The following MREG variants were observed in gnomAD, a reference collection of about 807,000 sequenced individuals.
MREG encodes the protein melanoregulin, also known as dilute suppressor protein homolog.
A neutral mutation model predicts 28.5 loss-of-function variants in MREG; 31 were observed. The observed-to-expected ratio is 1.09, with a 90% CI of 0.82 to 1.47. The LOEUF is 1.47. MREG is among the 40% of genes most tolerant of loss of function. The pLI is 0.00. For missense variants in MREG, 256 were observed against 257.4 expected (o/e 0.99, Z 0.04); for synonymous variants, 106 against 95.2 (o/e 1.11, Z -0.66).
chr2:216,011,069 C>T (rs1694294547), intron 1 of MREG, among the ~76,000 whole-genome samples: 3 of 137,814 alleles, frequency 2.2e-5, no homozygotes, highest in Non-Finnish European at 4.5e-5. Context: ...GCACTCCAGC[C>T]TGGGCAACAG....
At chr2:215,942,504 C>T (rs13030243), downstream of MREG, among the ~76,000 whole-genome samples, 26,550 of 152,106 alleles carry the variant, frequency 0.17, 2,495 homozygotes, top group Middle Eastern at 0.27. Flanking sequence ...AGTGTTTCAG[C>T]CTCTCTGCCC....
At chr2:215,952,923 T>C (rs2372674) in intron 2 of MREG, among the ~76,000 whole-genome samples, 103,150 of 151,996 alleles carry the variant, frequency 0.68, 35,051 homozygotes, top group Middle Eastern at 0.73. Context: ...CCTCTATGAA[T>C]AAAGAGTAAC....
chr2:215,994,933 T>G (rs1693827791), intron 2 of MREG, among the ~76,000 whole-genome samples: 1 of 152,090 alleles, frequency 6.6e-6, no homozygotes. Flanking sequence ...GTATTGCTGT[T>G]ACTGTTTTGG....
upstream of MREG, among the ~76,000 whole-genome samples, chr2:216,013,960 T>C (rs1187472618): frequency 5.3e-5 from 8 of 152,102 alleles, no homozygotes; most frequent in African/African-American, 1.2e-4. Flanking sequence ...TGAAAAATTG[T>C]TTTCAAACCT....
chr2:215,997,547 C>T (rs914407232), intron 1 of MREG, among the ~76,000 whole-genome samples: 5 of 152,096 alleles, frequency 3.3e-5, no homozygotes, highest in African/African-American at 1.2e-4. Flanking sequence ...AAATTGTGAG[C>T]AAAACAGACA....
chr2:215,964,160 T>C (rs372554724), intron 2 of MREG, among the ~76,000 whole-genome samples: 1 of 152,008 alleles, frequency 6.6e-6, no homozygotes, highest in Non-Finnish European at 1.5e-5. Context: ...GAAAAAGCAT[T>C]TGATACAAAT....
At position 215,947,198 on chromosome 2, in the gene MREG, C is replaced by T; in HGVS notation, c.256-85G>A. On this transcript the variant is annotated intron_variant, in intron 2 of 4. Coordinates refer to ENST00000263268, the MANE Select transcript of MREG (RefSeq NM_018000.3). ...TCCCAAACTTCATGTTGCCTAAACACCTGGCTCTTCTCTTTTATTAATCTT... is the reference window on the plus strand; with the variant it reads ...TCCCAAACTTCATGTTGCCTAAACATCTGGCTCTTCTCTTTTATTAATCTT... The T allele has an allele frequency of 5.2e-6, 4 of 767,560 alleles. No homozygotes were observed. In the South Asian group the frequency reaches 6.6e-5, roughly 13 times the overall value. The allele number at this position is 767,560 out of a possible 1,614,324, so 47.5% of individuals were successfully genotyped here. A position where few individuals can be genotyped will look rare whatever the true frequency, so the allele number is the denominator to read the frequency against.
intron 2 of MREG, among the ~76,000 whole-genome samples, chr2:215,971,476 A>G (rs1485869325): frequency 2.6e-5 from 4 of 152,168 alleles, no homozygotes; most frequent in Non-Finnish European, 5.9e-5. Flanking sequence ...TAAGCGGTAA[A>G]TACTATGTCA....
intron 1 of MREG, among the ~76,000 whole-genome samples, chr2:215,999,813 G>A (rs1466595515): frequency 2.6e-5 from 4 of 152,162 alleles, no homozygotes; most frequent in South Asian, 2.1e-4. Context: ...CTGACATGAT[G>A]AGCCTGCAGG....
intron 2 of MREG, among the ~76,000 whole-genome samples, chr2:215,971,373 T>C (rs1693091390): frequency 6.6e-6 from 1 of 152,166 alleles, no homozygotes. Flanking sequence ...CAATAGAAAA[T>C]CATCATTCTG....
intron 2 of MREG, among the ~76,000 whole-genome samples, chr2:215,952,648 C>T (rs17313318): frequency 0.019 from 2,842 of 152,008 alleles, 31 homozygotes; most frequent in Non-Finnish European, 0.03. Context: ...AAACTCTTAG[C>T]AACAACTTCA....
intron 2 of MREG, among the ~76,000 whole-genome samples, chr2:215,959,144 T>C (rs16855141): frequency 0.052 from 7,844 of 152,150 alleles, 381 homozygotes; most frequent in African/African-American, 0.13. Flanking sequence ...CTTAGGTCTT[T>C]TTCTCACCTC....
Position 215,980,905 on chromosome 2 carries a change from A to C in MREG, c.255+15401T>G, listed in dbSNP as rs1030737629. Among the ~76,000 whole-genome samples, 442 of 148,386 alleles carry C rather than the reference A, an allele frequency of 3.0e-3. 2 individuals are homozygous for C. The highest frequency in any genetic ancestry group is 5.0e-3 in the Non-Finnish European group (334 of 66,962). ...CAGGGCAGGACAGGGCAGGGCAGGG[A>C]AGGGCAGGGAAGGGAAGGGAAGGGA... On this transcript the variant is annotated intron_variant, in intron 2 of 4. Coordinates refer to ENST00000263268, the MANE Select transcript of MREG (RefSeq NM_018000.3).
intron 2 of MREG, among the ~76,000 whole-genome samples, chr2:215,973,346 A>C (rs577657204): frequency 2.0e-5 from 3 of 152,356 alleles, no homozygotes; most frequent in Non-Finnish European, 4.4e-5. Context: ...AACCTCATTA[A>C]CATTAAACAG....
chr2:216,029,169 GGCA>G (rs1403264906), intron 1 of MREG, among the ~76,000 whole-genome samples: 1 of 152,192 alleles, frequency 6.6e-6, no homozygotes, highest in African/African-American at 2.4e-5. Flanking sequence ...GCAGCTTGAT[GGCA>G]GCAGATGTAA....
At chr2:215,988,701 G>A (rs932790893) in intron 2 of MREG, among the ~76,000 whole-genome samples, 106 of 152,332 alleles carry the variant, frequency 7.0e-4, no homozygotes, top group African/African-American at 2.3e-3. Context: ...CTCGAGCTTG[G>A]TTGGGGGAGG....
At chr2:215,962,647 G>A (rs1456509023) in intron 2 of MREG, among the ~76,000 whole-genome samples, 3 of 152,200 alleles carry the variant, frequency 2.0e-5, no homozygotes, top group Non-Finnish European at 4.4e-5. Flanking sequence ...CTTCAAAGTC[G>A]TGACCCAAAT....
chr2:215,979,471 AATAATAATAAT>A (rs1559184952), intron 2 of MREG, among the ~76,000 whole-genome samples: 4 of 40,760 alleles, frequency 9.8e-5, no homozygotes, highest in African/African-American at 4.3e-4. Context: ...CTCAAAAAAT[AATAATAATAAT>A]AATAATAATA....
intron 1 of MREG, among the ~76,000 whole-genome samples, chr2:216,001,911 C>T (rs969645402): frequency 3.3e-5 from 5 of 152,156 alleles, no homozygotes; most frequent in Admixed American, 6.5e-5. Context: ...TCCCAGACCA[C>T]GAAGGGCTCT....
Sources: allele counts gnomAD v4.1 joint callset (sites outside exome capture counted in the v4.1 genomes callset), GRCh38; gene constraint gnomAD v4.1.1; transcripts MANE v1.5; gene names NCBI Gene and HGNC (gene_info 2026-07-23, HGNC 2026-07-21).